The following CLMN variants were observed in gnomAD, a reference collection of about 807,000 sequenced individuals.
The protein encoded by CLMN is calmin (calponin-like, transmembrane).
Under a neutral mutation model 92.7 loss-of-function variants are expected in CLMN, and 57 were observed. The ratio of observed to expected loss-of-function variants is 0.61; its 90% CI spans 0.50 to 0.77. CLMN has a LOEUF of 0.77. Among genes scored for constraint, CLMN ranks in the 30% least tolerant of loss-of-function variants. The pLI, the probability that CLMN is intolerant of heterozygous loss-of-function variation, is 0.00. For synonymous variants in CLMN, 466 were observed against 470.6 expected, an observed-to-expected ratio of 0.99 and a Z score of 0.13; for missense variants, 1,158 against 1,237.5, an observed-to-expected ratio of 0.94 and a Z score of 0.96.
At chr14:95,198,232 TAG>T (rs1316912751) in intron 9 of CLMN, among the ~76,000 whole-genome samples, 1 of 151,906 alleles carries the variant, frequency 6.6e-6, no homozygotes, top group Non-Finnish European at 1.5e-5. Flanking sequence ...GTATTTTTAG[TAG>T]AGACAGGGTT....
chr14:95,222,137 T>C (rs557837872), intron 3 of CLMN, among the ~76,000 whole-genome samples: 1 of 152,274 alleles, frequency 6.6e-6, no homozygotes, highest in South Asian at 2.1e-4. Context: ...AGACCCTCCA[T>C]TACGTGTTCC....
At chr14:95,226,985 G>A (rs1897731174) in intron 2 of CLMN, among the ~76,000 whole-genome samples, 1 of 152,212 alleles carries the variant, frequency 6.6e-6, no homozygotes, top group South Asian at 2.1e-4. Context: ...TGCTGTCTCT[G>A]CTCCTGGGTA....
chr14:95,232,001 AT>A (rs1320042332), intron 1 of CLMN, among the ~76,000 whole-genome samples: 1 of 152,232 alleles, frequency 6.6e-6, no homozygotes, highest in Non-Finnish European at 1.5e-5. Flanking sequence ...AGGTCACACA[AT>A]TAATAGTAAG....
intron 1 of CLMN, among the ~76,000 whole-genome samples, chr14:95,252,418 T>C (rs1898826965): frequency 6.6e-6 from 1 of 152,190 alleles, no homozygotes; most frequent in South Asian, 2.1e-4. Context: ...GAACAAAGAT[T>C]GGACAGTGCC....
rs917851269 is a variant in CLMN at position 95,313,043 on chromosome 14, T to C, written c.82+6668A>G. Among the ~76,000 whole-genome samples, 60 of 152,170 alleles carry C rather than the reference T, an allele frequency of 3.9e-4. 1 individual carries two copies. The highest frequency in any genetic ancestry group is 1.4e-3 in the African/African-American group (58 of 41,532). Reference sequence around the variant, plus strand: ...CAACATGGTGAAAGCCTGTCTCTACTAAAAATATAAAAATTAGCTGGGCAT... The same window carrying C: ...CAACATGGTGAAAGCCTGTCTCTACCAAAAATATAAAAATTAGCTGGGCAT... On this transcript the variant is annotated intron_variant, in intron 1 of 12. Coordinates refer to ENST00000298912, the MANE Select transcript of CLMN (RefSeq NM_024734.4).
chr14:95,245,255 ATATATATATATATAT>A (rs1898493096), intron 1 of CLMN, among the ~76,000 whole-genome samples: 7 of 39,450 alleles, frequency 1.8e-4, no homozygotes, highest in East Asian at 6.7e-4. Flanking sequence ...TATATATATA[ATATATATATATATAT>A]TATATATATA....
chr14:95,238,527 A>G (rs1327092385), intron 1 of CLMN, among the ~76,000 whole-genome samples: 1 of 152,220 alleles, frequency 6.6e-6, no homozygotes, highest in Non-Finnish European at 1.5e-5. Context: ...AGACTTTGGT[A>G]ATAAAATGCA....
At chr14:95,313,357 T>C (rs1025306894) in intron 1 of CLMN, among the ~76,000 whole-genome samples, 11 of 152,276 alleles carry the variant, frequency 7.2e-5, no homozygotes, top group Non-Finnish European at 1.2e-4. Context: ...GGTACTTCTT[T>C]GCCTCAACTA....
intron 10 of CLMN, among the ~76,000 whole-genome samples, chr14:95,195,170 T>G (rs141899250): frequency 2.6e-5 from 4 of 152,316 alleles, no homozygotes. Context: ...CCTAGCAGAC[T>G]CCATTGCATA....
intron 5 of CLMN, among the ~76,000 whole-genome samples, chr14:95,214,103 T>C (rs1159623312): frequency 4.0e-5 from 6 of 151,894 alleles, no homozygotes; most frequent in African/African-American, 1.2e-4. Context: ...CCTTCTACCA[T>C]ATAGGATTGA....
At chr14:95,214,833 C>T (rs188653138) in intron 5 of CLMN, among the ~76,000 whole-genome samples, 144 of 152,084 alleles carry the variant, frequency 9.5e-4, no homozygotes, top group African/African-American at 3.3e-3. Context: ...GCAGGCATTG[C>T]GCCAAAATCC....
In CLMN at chr14:95,196,518, G is replaced by T; in HGVS notation, c.2688C>A (p.Ser896Arg). The T allele has an allele frequency of 6.2e-7, 1 of 1,611,772 alleles. No individual in the cohort carries two copies. Among genetic ancestry groups the T allele is most frequent in the Non-Finnish European group, 8.5e-7 (1 of 1,179,402 alleles). ...AATACCTGGAAGGAATGCTGTAGTC[G>T]CTACTGTCTTCTTCTAGGTCATCTG... ...QSSDDLEEDS[S>R]DYSIPSRTSH... The change falls in exon 10 of 13, where the codon AGC becomes AGA. Residue 896 changes from serine to arginine, a missense_variant. By Grantham distance (110) the Ser-to-Arg change is moderately radical (BLOSUM62 -1). Transcript: ENST00000298912.
At chr14:95,310,276 G>A (rs1178581457) in intron 1 of CLMN, among the ~76,000 whole-genome samples, 1 of 152,116 alleles carries the variant, frequency 6.6e-6, no homozygotes, top group Non-Finnish European at 1.5e-5. Context: ...ATGCAAAAAC[G>A]ACCTAACACA....
Position 95,194,703 on chromosome 14 carries a change from G to A in CLMN, c.2709-107C>T, listed in dbSNP as rs112883942. ...TTTCCACGTATGGGTTTAGGCAAGCGACAACTTCACAGCCAGGGACAGAAA... is the reference window on the plus strand; with the variant it reads ...TTTCCACGTATGGGTTTAGGCAAGCAACAACTTCACAGCCAGGGACAGAAA... On this transcript the variant is annotated intron_variant, in intron 10 of 12. Transcript: ENST00000298912. The surrounding 1 kb of genome is among the most constrained non-coding windows in gnomAD (Gnocchi z 4.0). The A allele has an allele frequency of 4.6e-5, 44 of 959,732 alleles. No individual in the cohort carries two copies. The highest frequency in any genetic ancestry group is 1.5e-4 in the East Asian group (6 of 40,560). 59.5% of individuals were successfully genotyped at this position (959,732 alleles called of 1,614,324 possible).
intron 9 of CLMN, among the ~76,000 whole-genome samples, chr14:95,200,340 C>A (rs1034314843): frequency 6.6e-6 from 1 of 152,208 alleles, no homozygotes; most frequent in Non-Finnish European, 1.5e-5. Context: ...CCGCATTAGA[C>A]ACCGAAGGCA....
chr14:95,288,200 T>C (rs1310330154), intron 1 of CLMN, among the ~76,000 whole-genome samples: 2 of 152,174 alleles, frequency 1.3e-5, no homozygotes, highest in African/African-American at 4.8e-5. Flanking sequence ...AGGGGCCTTA[T>C]CACAAAGTCC....
intron 1 of CLMN, among the ~76,000 whole-genome samples, chr14:95,244,558 A>G (rs1012638010): frequency 1.2e-4 from 18 of 152,220 alleles, no homozygotes; most frequent in Non-Finnish European, 1.2e-4. Context: ...TCTACATCAG[A>G]TGATTCTGAC....
At chr14:95,199,263 C>T (rs1202669) in intron 9 of CLMN, 18,218 of 152,166 alleles carry the variant, frequency 0.12, 1,573 homozygotes, top group East Asian at 0.43. Context: ...TATTAATTTC[C>T]CTTATTCTCT....
intron 8 of CLMN, 73 bp from the exon 9 acceptor site, chr14:95,204,536 A>C: frequency 7.4e-7 from 1 of 1,343,322 alleles, no homozygotes; most frequent in Non-Finnish European, 9.9e-7. Context: ...ACAGAGCAAC[A>C]TGAGTAAGAA....
Sources: gnomAD v4.1 joint callset for allele counts (sites outside exome capture counted in the v4.1 genomes callset) on GRCh38, gnomAD v4.1.1 for gene constraint, Gnocchi (gnomAD v3.1) non-coding constraint, MANE v1.5 for transcripts, NCBI Gene and HGNC (gene_info 2026-07-23, HGNC 2026-07-21) for gene names.